MEI4: variants seen among roughly 807,000 people sequenced by gnomAD.
MEI4 encodes meiotic double-stranded break formation protein 4, also known as meiosis-specific protein MEI4.
MEI4 carries 27 observed loss-of-function variants against 31.4 expected under a neutral mutation model. The observed-to-expected ratio is 0.86, with a 90% confidence interval of 0.63 to 1.19. The LOEUF (loss-of-function observed/expected upper bound fraction) is 1.19, where lower values mean the gene tolerates loss of function less well. MEI4 is among the 50% of genes most tolerant of loss of function. MEI4 has a pLI of 0.00. For missense variants in MEI4, 329 were observed against 398.9 expected (o/e 0.82, Z 1.49); for synonymous variants, 122 against 145.4 (o/e 0.84, Z 1.16).
At chr6:77,665,967 GA>G (rs1321465578) in intron 1 of MEI4, among the ~76,000 whole-genome samples, 1 of 152,158 alleles carries the variant, frequency 6.6e-6, no homozygotes, top group Non-Finnish European at 1.5e-5. Context: ...TTTCCCAAGG[GA>G]GGTCCCCCGA....
intron 1 of MEI4, among the ~76,000 whole-genome samples, chr6:77,680,128 A>AAAAAAAAAAAAAAAAAAAAAAAT (rs1247876878): frequency 3.5e-4 from 41 of 115,522 alleles, no homozygotes; most frequent in Non-Finnish European, 4.4e-4. Context: ...AAAAAAAAAA[A>AAAAAAAAAAAAAAAAAAAAAAAT]ATTAGCTGGG....
At chr6:77,707,590 G>GCTA (rs919765207) in intron 2 of MEI4, among the ~76,000 whole-genome samples, 1 of 152,174 alleles carries the variant, frequency 6.6e-6, no homozygotes, top group Non-Finnish European at 1.5e-5. Flanking sequence ...GGAGTCAAGT[G>GCTA]CTACTATCCA....
rs947857006 is a variant in MEI4 at position 77,793,837 on chromosome 6, T to G, written c.768+32172T>G. On this transcript the variant is annotated intron_variant, in intron 3 of 4. Transcript: ENST00000684080. ...AATGAAAGCATACCACAAGAAGAGATAAATAAATCAAAAAGGAACACAGCA... is the reference window on the plus strand; with the variant it reads ...AATGAAAGCATACCACAAGAAGAGAGAAATAAATCAAAAAGGAACACAGCA... 3.3e-5 allele frequency among the ~76,000 whole-genome samples: 5 copies of G among 151,290 alleles called. No homozygotes were observed. The South Asian group carries it at 6.3e-4, about 19-fold the overall frequency.
chr6:77,909,836 A>G (rs562613923), intron 4 of MEI4, among the ~76,000 whole-genome samples: 48 of 152,350 alleles, frequency 3.2e-4, no homozygotes, highest in Middle Eastern at 6.8e-3. Context: ...CGAATCCAGT[A>G]GTACATCAAA....
chr6:77,742,643 T>A (rs1767446639), intron 2 of MEI4, among the ~76,000 whole-genome samples: 1 of 152,236 alleles, frequency 6.6e-6, no homozygotes, highest in Non-Finnish European at 1.5e-5. Context: ...CATTTGTCAA[T>A]TTTGGCTTTT....
At chr6:77,734,532 T>C (rs1767121367) in intron 2 of MEI4, among the ~76,000 whole-genome samples, 1 of 152,082 alleles carries the variant, frequency 6.6e-6, no homozygotes, top group Admixed American at 6.5e-5. Context: ...TATTTGTGTC[T>C]CTGCACGTGA....
chr6:77,702,574 A>G, intron 2 of MEI4, among the ~76,000 whole-genome samples: 1 of 152,110 alleles, frequency 6.6e-6, no homozygotes, highest in East Asian at 1.9e-4. Context: ...TCCTGATGCC[A>G]TTTCCTTGGT....
At chr6:77,868,576 A>G (rs754056932) in intron 4 of MEI4, among the ~76,000 whole-genome samples, 22 of 143,306 alleles carry the variant, frequency 1.5e-4, no homozygotes, top group South Asian at 4.5e-4. Context: ...AGAACTCTGC[A>G]ATAAACTCCC....
intron 3 of MEI4, among the ~76,000 whole-genome samples, chr6:77,772,006 C>A (rs902431924): frequency 6.6e-6 from 1 of 151,910 alleles, no homozygotes; most frequent in African/African-American, 2.4e-5. Flanking sequence ...TTTTATACAT[C>A]ATTCTTTTTG....
chr6:77,864,347 A>G (rs1161975354), intron 4 of MEI4, among the ~76,000 whole-genome samples: 1 of 152,212 alleles, frequency 6.6e-6, no homozygotes, highest in Non-Finnish European at 1.5e-5. Context: ...TCTCACATAC[A>G]GAGACACACA....
intron 3 of MEI4, among the ~76,000 whole-genome samples, chr6:77,818,203 ACAAT>A (rs1256912586): frequency 6.6e-6 from 1 of 152,128 alleles, no homozygotes; most frequent in Non-Finnish European, 1.5e-5. Flanking sequence ...TTTTTATTTG[ACAAT>A]CAGTGTTTAA....
chr6:77,807,544 T>C (rs1769470541), intron 3 of MEI4, among the ~76,000 whole-genome samples: 1 of 152,184 alleles, frequency 6.6e-6, no homozygotes, highest in Admixed American at 6.6e-5. Flanking sequence ...GTTGCTGGAA[T>C]ATTTCAAGTA....
chr6:77,678,082 A>G (rs1401471759), intron 1 of MEI4, among the ~76,000 whole-genome samples: 1 of 152,222 alleles, frequency 6.6e-6, no homozygotes, highest in Non-Finnish European at 1.5e-5. Context: ...ACACGCTGAT[A>G]CAGCCAAGGC....
intron 4 of MEI4, among the ~76,000 whole-genome samples, chr6:77,845,112 G>T: frequency 6.6e-6 from 1 of 152,058 alleles, no homozygotes; most frequent in East Asian, 1.9e-4. Flanking sequence ...TCAGCTTTAT[G>T]TGGGTGCCTC....
intron 2 of MEI4, among the ~76,000 whole-genome samples, chr6:77,753,759 C>T (rs1034003115): frequency 9.2e-5 from 14 of 152,056 alleles, no homozygotes; most frequent in African/African-American, 3.4e-4. Flanking sequence ...GAGTATATAC[C>T]CAAAGGATTA....
intron 4 of MEI4, among the ~76,000 whole-genome samples, chr6:77,877,513 G>C (rs542750265): frequency 1.0e-3 from 155 of 151,960 alleles, no homozygotes; most frequent in Admixed American, 4.6e-4. Context: ...CTGACACTTA[G>C]ATTTTCCAAC....
At chr6:77,664,563 G>A (rs1008819575) in intron 1 of MEI4, among the ~76,000 whole-genome samples, 15 of 152,224 alleles carry the variant, frequency 9.9e-5, no homozygotes, top group Admixed American at 2.6e-4. Flanking sequence ...GTGGAGGAGT[G>A]GAGGCTGAGG....
chr6:77,839,344 A>G (rs1770301821), intron 4 of MEI4, among the ~76,000 whole-genome samples: 1 of 152,140 alleles, frequency 6.6e-6, no homozygotes, highest in Admixed American at 6.5e-5. Flanking sequence ...GAAGGGGGTG[A>G]TGGTGAATTA....
At chr6:77,662,116 A>C (rs2127642558) in intron 1 of MEI4, among the ~76,000 whole-genome samples, 2 of 152,282 alleles carry the variant, frequency 1.3e-5, no homozygotes, top group Middle Eastern at 3.4e-3. Flanking sequence ...CACATTTAGA[A>C]TCAGTATAGA....
Sources: allele counts gnomAD v4.1 joint callset (sites outside exome capture counted in the v4.1 genomes callset), GRCh38; gene constraint gnomAD v4.1.1; transcripts MANE v1.5; gene names NCBI Gene and HGNC (gene_info 2026-07-23, HGNC 2026-07-21).